The following TAF2 variants were observed in gnomAD, a reference collection of about 807,000 sequenced individuals.
TAF2 encodes the protein transcription initiation factor TFIID subunit 2.
TAF2 carries 61 observed loss-of-function variants against 138.5 expected under a neutral mutation model. The observed-to-expected ratio is 0.44, with a 90% CI of 0.36 to 0.54. The LOEUF (loss-of-function observed/expected upper bound fraction) is 0.54. Among genes scored for constraint, TAF2 ranks in the 20% least tolerant of loss-of-function variants. The pLI is 0.00. For missense variants in TAF2, 1,090 were observed against 1,427.9 expected, an observed-to-expected ratio of 0.76 and a Z score of 3.81; for synonymous variants, 475 against 469.9, an observed-to-expected ratio of 1.01 and a Z score of -0.14.
rs1294143555 is a variant in TAF2 at position 119,819,444 on chromosome 8, G to T, written c.201C>A (p.Ser67Arg). The T allele has an allele frequency of 1.2e-6, 2 of 1,611,690 alleles. No individual in the cohort carries two copies. The highest frequency in any genetic ancestry group is 1.1e-5 in the South Asian group (1 of 91,066). ...VANLNRIKLN[S>R]KQCRIYRVRI... ...TTACTCGGTATATTCTACACTGTTT[G>T]CTGTTCAACTTGATTCTATTCAAGT... Residue 67 changes from serine (S) to arginine (R), a missense_variant, in exon 3 of 26, where the codon AGC (serine) becomes AGA (arginine). Around this residue, in one of 3 missense-constraint regions of TAF2, gnomAD observed 504 missense variants for 680.9 expected, o/e 0.74. Transcript: ENST00000378164.
intron 3 of TAF2, among the ~76,000 whole-genome samples, chr8:119,807,652 C>T (rs1345245532): frequency 6.6e-6 from 1 of 152,010 alleles, no homozygotes; most frequent in Admixed American, 6.6e-5. Flanking sequence ...TAGCTGGACA[C>T]GGTGGCTCAT....
chr8:119,762,550 G>A lies in TAF2; in HGVS notation c.2423C>T (p.Pro808Leu), dbSNP rs768565194. The part of the protein sequence containing the change: ...MIDALANSVT[P>L]AVSVNNEVRT... ...AACTTCATTATTCACACTGACTGCA[G>A]GTGTAACAGAGTTGGCCAGGGCATC... is the stretch of plus-strand genomic sequence containing the variant. The change falls in exon 19 of 26, where the codon CCT becomes CTT. Residue 808 changes from proline (P) to leucine (L), a missense_variant. Transcript: ENST00000378164. 1 of 1,613,754 alleles carries A rather than the reference G, an allele frequency of 6.2e-7. No individual in the cohort carries two copies.
At chr8:119,831,348 T>C (rs545247703) in intron 2 of TAF2, among the ~76,000 whole-genome samples, 2 of 152,082 alleles carry the variant, frequency 1.3e-5, no homozygotes, top group African/African-American at 2.4e-5. Context: ...ATTTTTTTCA[T>C]AGAAGAAATG....
rs140626151 is a variant in TAF2 at position 119,810,726 on chromosome 8, T to A, written c.300-4325A>T. Among the ~76,000 whole-genome samples the A allele has an allele frequency of 1.6e-3, 238 of 152,286 alleles. 2 individuals carry two copies. Among genetic ancestry groups the A allele is most frequent in the African/African-American group, 5.6e-3 (232 of 41,580 alleles). On this transcript the variant is annotated intron_variant, in intron 3 of 25. Transcript: ENST00000378164. ...TATTTTCAATAAAATTTCAAAAACA[T>A]AAAATTTGATGATTGCAAAACTTGT...
chr8:119,800,142 G>A (rs1662477515), intron 6 of TAF2, among the ~76,000 whole-genome samples: 1 of 152,140 alleles, frequency 6.6e-6, no homozygotes, highest in South Asian at 2.1e-4. Flanking sequence ...AAACTCTTTA[G>A]TTTAATTAGA....
intron 3 of TAF2, among the ~76,000 whole-genome samples, chr8:119,809,998 T>C (rs368167770): frequency 2.5e-5 from 3 of 117,674 alleles, no homozygotes; most frequent in African/African-American, 9.5e-5. Flanking sequence ...CTTCAATTTG[T>C]AAAAAAAAAA....
In TAF2 at chr8:119,829,162, C is replaced by T. The variant is rs79874205; in HGVS notation, c.138+2515G>A. 7.5e-3 allele frequency among the ~76,000 whole-genome samples: 1,139 copies of T among 152,290 alleles called. 15 individuals carry two copies. Among genetic ancestry groups the T allele is most frequent in the African/African-American group, 0.026 (1,079 of 41,536 alleles). On this transcript the variant is annotated intron_variant, in intron 2 of 25. Coordinates refer to ENST00000378164, the MANE Select transcript of TAF2 (RefSeq NM_003184.4). Reference sequence around the variant, plus strand: ...CCCTCCTGATCTGCTCTCTACCCTACTCAATACCCTACGAGTTGCATTAAC... The same window carrying T: ...CCCTCCTGATCTGCTCTCTACCCTATTCAATACCCTACGAGTTGCATTAAC...
chr8:119,804,152 CT>C, intron 4 of TAF2, 133 bp from the exon 5 acceptor site: 1 of 1,025,456 alleles, frequency 9.8e-7, no homozygotes, highest in East Asian at 2.6e-5. Flanking sequence ...ACTACTTACC[CT>C]AGTTTAGACT....
Position 119,819,351 on chromosome 8 carries a change from T to C in TAF2, c.294A>G (p.Ser98=), listed in dbSNP as rs771922579. The change falls in exon 3 of 26, where the codon TCA becomes TCG. Residue 98 remains serine, a synonymous_variant. Coordinates refer to ENST00000378164, the MANE Select transcript of TAF2 (RefSeq NM_003184.4). ...DPTLEVCHSE[S]KQRNLNYFSN... Reference sequence around the variant, plus strand: ...TTTTAAAGTGCATAACTTACTGTTTTGATTCACTGTGACAAACTTCCAAGG... The same window carrying C: ...TTTTAAAGTGCATAACTTACTGTTTCGATTCACTGTGACAAACTTCCAAGG... 2 of 1,612,780 alleles carry C rather than the reference T, an allele frequency of 1.2e-6. No individual in the cohort carries two copies. Among genetic ancestry groups the C allele is most frequent in the South Asian group, 1.1e-5 (1 of 91,064 alleles).
In TAF2 at chr8:119,781,193, T is replaced by A; in HGVS notation, c.2113A>T (p.Ile705Phe). 1 of 1,613,982 alleles carries A rather than the reference T, an allele frequency of 6.2e-7. No individual in the cohort carries two copies. Reference protein sequence around the residue: ...RMSACFCLAKIANSMVSTWTG... With the variant: ...RMSACFCLAKFANSMVSTWTG... ...CATGTGCTCACCATTGAATTTGCAATCTGCAAATAATTAGAAAACAAAGTA... is the reference window on the plus strand; with the variant it reads ...CATGTGCTCACCATTGAATTTGCAAACTGCAAATAATTAGAAAACAAAGTA... The change falls in exon 17 of 26, where the codon ATT becomes TTT. Residue 705 changes from isoleucine (I) to phenylalanine (F), a missense_variant and splice_region_variant. Physicochemically the swap from Ile to Phe is conservative, Grantham distance 21. This residue lies in a region of TAF2 where 580 missense variants were observed against 719.6 expected (regional missense o/e 0.81). Transcript: ENST00000378164.
At chr8:119,796,601 C>T (rs986786983) in intron 8 of TAF2, among the ~76,000 whole-genome samples, 2 of 152,002 alleles carry the variant, frequency 1.3e-5, no homozygotes, top group African/African-American at 2.4e-5. Context: ...GATTTCTGTA[C>T]ATTTAAGTTC....
At chr8:119,744,474 A>G (rs1405360847) in intron 23 of TAF2, 81 bp from the exon 24 acceptor site, 3 of 1,202,120 alleles carry the variant, frequency 2.5e-6, no homozygotes, top group East Asian at 4.7e-5. Flanking sequence ...TAGGAAAAGT[A>G]GCAGAGAGGC....
At chr8:119,752,623 T>C (rs1820427776) in intron 22 of TAF2, among the ~76,000 whole-genome samples, 1 of 152,186 alleles carries the variant, frequency 6.6e-6, no homozygotes, top group Admixed American at 6.5e-5. Context: ...CACTCTCAAA[T>C]TGATTTCAGT....
chr8:119,796,162 C>G (rs1165185713), intron 8 of TAF2, among the ~76,000 whole-genome samples: 1 of 151,832 alleles, frequency 6.6e-6, no homozygotes, highest in Non-Finnish European at 1.5e-5. Context: ...ATCTATCCAT[C>G]TACCCACTCC....
chr8:119,827,577 G>A lies in TAF2; in HGVS notation c.138+4100C>T, dbSNP rs76978776. Among the ~76,000 whole-genome samples the A allele has an allele frequency of 3.3e-3, 500 of 152,222 alleles. 1 individual carries two copies. Among genetic ancestry groups the A allele is most frequent in the African/African-American group, 0.011 (477 of 41,540 alleles). On this transcript the variant is annotated intron_variant, in intron 2 of 25. Coordinates refer to ENST00000378164, the MANE Select transcript of TAF2 (RefSeq NM_003184.4). ...GAAGTAGATGGCATGATCAATTGCT[G>A]AAGGCTCAGTTACAACTACAATTGA...
chr8:119,801,710 G>A (rs1345731369), intron 6 of TAF2, 84 bp downstream of exon 6: 9 of 1,356,864 alleles, frequency 6.6e-6, no homozygotes, highest in Non-Finnish European at 9.5e-6. Context: ...TTACAGGCAT[G>A]AGCCACCGTG....
At chr8:119,772,595 G>T (rs1821923357) in intron 18 of TAF2, among the ~76,000 whole-genome samples, 1 of 151,982 alleles carries the variant, frequency 6.6e-6, no homozygotes, top group Non-Finnish European at 1.5e-5. Flanking sequence ...CCCACCCCTT[G>T]AATCTAAAAT....
At chr8:119,822,846 G>GA (rs1438416881) in intron 2 of TAF2, among the ~76,000 whole-genome samples, 1 of 152,116 alleles carries the variant, frequency 6.6e-6, no homozygotes, top group African/African-American at 2.4e-5. Context: ...AAAGAATTCA[G>GA]AAAAGAATAA....
chr8:119,772,567 T>TA (rs1193004977), intron 18 of TAF2, among the ~76,000 whole-genome samples: 3 of 152,032 alleles, frequency 2.0e-5, no homozygotes, highest in African/African-American at 7.3e-5. Flanking sequence ...CATATCAATG[T>TA]AAAAACCCGC....
Sources: allele counts gnomAD v4.1 joint callset (sites outside exome capture counted in the v4.1 genomes callset), GRCh38; gene constraint gnomAD v4.1.1; regional missense constraint gnomAD v4.1.1; transcripts MANE v1.5; gene names NCBI Gene and HGNC (gene_info 2026-07-23, HGNC 2026-07-21).